Variants in FUT8 observed in about 807,000 individuals in gnomAD.
The protein encoded by FUT8 is alpha-(1,6)-fucosyltransferase.
Under a neutral mutation model 71.3 loss-of-function variants are expected in FUT8, and 29 were observed. The observed-to-expected ratio is 0.41, with a 90% CI of 0.30 to 0.55. The LOEUF is 0.55. Among genes scored for constraint, FUT8 ranks in the 20% least tolerant of loss-of-function variants. FUT8 has a pLI of 0.34. For missense variants in FUT8, 544 were observed against 702.1 expected, an observed-to-expected ratio of 0.77 and a Z score of 2.55; for synonymous variants, 254 against 239.3, an observed-to-expected ratio of 1.06 and a Z score of -0.57.
At chr14:65,421,524 G>A (rs184479096) in intron 1 of FUT8, among the ~76,000 whole-genome samples, 27 of 152,268 alleles carry the variant, frequency 1.8e-4, no homozygotes, top group African/African-American at 6.0e-4. Flanking sequence ...GCCCATATCA[G>A]AGAAGGGTCC....
intron 3 of FUT8, among the ~76,000 whole-genome samples, chr14:65,562,938 C>G (rs909347340): frequency 4.6e-5 from 7 of 152,046 alleles, no homozygotes; most frequent in African/African-American, 1.7e-4. Context: ...TCTCACTGCC[C>G]TTCACTCTTT....
chr14:65,381,299 G>A, the FUT8 span, among the ~76,000 whole-genome samples: 1 of 152,080 alleles, frequency 6.6e-6, no homozygotes, highest in Non-Finnish European at 1.5e-5. Flanking sequence ...TAACTGAAAT[G>A]TTTTCCTATT....
intron 7 of FUT8, among the ~76,000 whole-genome samples, chr14:65,672,394 T>C (rs935053693): frequency 1.3e-5 from 2 of 152,212 alleles, no homozygotes; most frequent in African/African-American, 4.8e-5. Context: ...TTGTGATAAT[T>C]CAAAATGGGA....
intron 2 of FUT8, among the ~76,000 whole-genome samples, chr14:65,553,005 G>T (rs937327082): frequency 6.6e-6 from 1 of 151,956 alleles, no homozygotes; most frequent in Non-Finnish European, 1.5e-5. Flanking sequence ...ACCCATCCTG[G>T]AGTAGAATGG....
rs1160128924 is a variant in FUT8 at position 65,472,029 on chromosome 14, T to C, written c.-228+16311T>C. Among the ~76,000 whole-genome samples, 1 of 152,204 alleles carries C rather than the reference T, an allele frequency of 6.6e-6. No individual in the cohort carries two copies. The highest frequency in any genetic ancestry group is 2.4e-5 in the African/African-American group (1 of 41,444). Reference sequence around the variant, plus strand: ...AAGTTGATCATAGGACTGATTCTTATTATTGATGAATTGACTGCCTTGTCT... The same window carrying C: ...AAGTTGATCATAGGACTGATTCTTACTATTGATGAATTGACTGCCTTGTCT... On this transcript the variant is annotated intron_variant, in intron 2 of 10. Coordinates refer to ENST00000673929, the MANE Select transcript of FUT8 (RefSeq NM_001371533.1). The surrounding 1 kb of genome is among the most constrained non-coding windows in gnomAD (Gnocchi z 4.4).
intron 2 of FUT8, among the ~76,000 whole-genome samples, chr14:65,494,205 A>G (rs2066524945): frequency 6.6e-6 from 1 of 152,070 alleles, no homozygotes; most frequent in South Asian, 2.1e-4. Flanking sequence ...GGTTTCAGTT[A>G]TTTAACGTAA....
rs1300119921 is a variant in FUT8, at chr14:65,721,960, T to C, written c.1021T>C (p.Trp341Arg). ...FVKYLIRPQP[W>R]LEKEIEEATK... ...CAAATACTTGATCCGCCCACAGCCTTGGCTAGAAAAAGAAATAGAAGAAGC... is the reference window on the plus strand; with the variant it reads ...CAAATACTTGATCCGCCCACAGCCTCGGCTAGAAAAAGAAATAGAAGAAGC... The change falls in exon 8 of 11, where the codon TGG (tryptophan) becomes CGG (arginine). Residue 341 changes from tryptophan (W) to arginine (R), a missense_variant. Coordinates refer to ENST00000673929, the MANE Select transcript of FUT8 (RefSeq NM_001371533.1). 1 of 1,614,200 alleles carries C rather than the reference T, an allele frequency of 6.2e-7. No individual in the cohort carries two copies. The highest frequency in any genetic ancestry group is 8.5e-7 in the Non-Finnish European group (1 of 1,180,038).
In FUT8 at chr14:65,462,932, G is replaced by T. The variant is rs78821415; in HGVS notation, c.-228+7214G>T. On this transcript the variant is annotated intron_variant, in intron 2 of 10. Transcript: ENST00000673929. ...AAAACCATATACCAGGGGGAGATAGGATTGTCTCACCACTTAACTTAAGGA... is the reference window on the plus strand; with the variant it reads ...AAAACCATATACCAGGGGGAGATAGTATTGTCTCACCACTTAACTTAAGGA... Among the ~76,000 whole-genome samples, 208 of 152,300 alleles carry T rather than the reference G, an allele frequency of 1.4e-3. 4 individuals are homozygous for T. In the East Asian group the frequency reaches 0.034, roughly 25 times the overall value.
At chr14:65,484,614 C>T (rs2139694213) in intron 2 of FUT8, among the ~76,000 whole-genome samples, 1 of 152,070 alleles carries the variant, frequency 6.6e-6, no homozygotes, top group East Asian at 1.9e-4. Flanking sequence ...GTAGAGGCTT[C>T]AGGGAGCCAA....
chr14:65,738,325 G>C (rs1489244605), intron 10 of FUT8, among the ~76,000 whole-genome samples: 3 of 152,008 alleles, frequency 2.0e-5, no homozygotes, highest in African/African-American at 7.2e-5. Context: ...ACAAAAATAA[G>C]ATCCCATCTA....
chr14:65,468,836 C>T (rs2066089271), intron 2 of FUT8, among the ~76,000 whole-genome samples: 1 of 152,022 alleles, frequency 6.6e-6, no homozygotes, highest in Non-Finnish European at 1.5e-5. Flanking sequence ...ACTCTGTCAC[C>T]CTGGCTGGAG....
chr14:65,631,054 C>A (rs1474724274), intron 6 of FUT8, among the ~76,000 whole-genome samples: 1 of 152,174 alleles, frequency 6.6e-6, no homozygotes, highest in Non-Finnish European at 1.5e-5. Context: ...CCAAACTGAT[C>A]TTGGCATGCT....
chr14:65,691,590 T>C (rs1214818555), intron 7 of FUT8, among the ~76,000 whole-genome samples: 1 of 152,014 alleles, frequency 6.6e-6, no homozygotes, highest in Non-Finnish European at 1.5e-5. Context: ...GGTCATAGTG[T>C]ATAATTCTTT....
At chr14:65,558,452 A>G (rs1885718835) in intron 2 of FUT8, among the ~76,000 whole-genome samples, 1 of 152,160 alleles carries the variant, frequency 6.6e-6, no homozygotes, top group Admixed American at 6.5e-5. Flanking sequence ...TTTATTTTTG[A>G]ACCATTTCCT....
At chr14:65,618,704 A>G (rs955133840) in intron 5 of FUT8, among the ~76,000 whole-genome samples, 1 of 152,002 alleles carries the variant, frequency 6.6e-6, no homozygotes, top group Non-Finnish European at 1.5e-5. Flanking sequence ...ATCAAAACAA[A>G]CTTTTAGGTT....
intron 1 of FUT8, among the ~76,000 whole-genome samples, chr14:65,447,816 T>C (rs982014009): frequency 6.6e-6 from 1 of 152,174 alleles, no homozygotes; most frequent in South Asian, 2.1e-4. Context: ...GATAATGATA[T>C]GTTATTTCTG....
At chr14:65,681,872 T>C (rs76175745) in intron 7 of FUT8, among the ~76,000 whole-genome samples, 2,042 of 152,296 alleles carry the variant, frequency 0.013, 62 homozygotes, top group African/African-American at 0.047. Flanking sequence ...CAGCCGCTGA[T>C]ACAGAAACCC....
At chr14:65,429,462 A>G (rs1435923733) in intron 1 of FUT8, among the ~76,000 whole-genome samples, 1 of 152,216 alleles carries the variant, frequency 6.6e-6, no homozygotes, top group East Asian at 1.9e-4. Context: ...CAAAAGTAGC[A>G]TTTCCAATGT....
intron 1 of FUT8, among the ~76,000 whole-genome samples, chr14:65,451,961 A>G (rs2065833476): frequency 6.6e-6 from 1 of 152,218 alleles, no homozygotes; most frequent in African/African-American, 2.4e-5. Context: ...ACTTTGGGCC[A>G]TGGTTACAGG....
Sources: allele counts gnomAD v4.1 joint callset (sites outside exome capture counted in the v4.1 genomes callset), GRCh38; gene constraint gnomAD v4.1.1; non-coding constraint Gnocchi (gnomAD v3.1); transcripts MANE v1.5; gene names NCBI Gene and HGNC (gene_info 2026-07-23, HGNC 2026-07-21).